The following NHSL3 variants were observed in gnomAD, a reference collection of about 807,000 sequenced individuals.
The protein encoded by NHSL3 is NHS-like protein 3.
chr1:32,772,396 C>A, the NHSL3 span: 1 of 1,558,538 alleles, frequency 6.4e-7, no homozygotes, highest in South Asian at 1.2e-5. Context: ...TGGAGGTGTC[C>A]TGCAGCTGGT....
chr1:32,764,593 G>GAGT, the NHSL3 span, among the ~76,000 whole-genome samples: 2 of 151,726 alleles, frequency 1.3e-5, no homozygotes, highest in East Asian at 3.9e-4. Flanking sequence ...TCGGCCTCCC[G>GAGT]AGTAGCTGAG....
the NHSL3 span, chr1:32,767,873 G>A: frequency 6.2e-6 from 10 of 1,614,016 alleles, no homozygotes; most frequent in South Asian, 2.2e-5. Context: ...CCAGGACAAC[G>A]TCTTCTTTCC....
chr1:32,770,287 G>GGCCGCTGCAGCCTGCGCACACTAA, the NHSL3 span: 11 of 1,609,018 alleles, frequency 6.8e-6, no homozygotes, highest in East Asian at 1.3e-4. This position sits in a 1 kb window ranked among gnomAD's most constrained non-coding sequence, Gnocchi z 8.3. Context: ...GGTGGCCCTA[G>GGCCGCTGCAGCCTGCGCACACTAA]GCCGCTGCAG....
At chr1:32,772,793 T>C in the NHSL3 span, 1 of 1,444,848 alleles carries the variant, frequency 6.9e-7, no homozygotes, top group Non-Finnish European at 9.8e-7. Flanking sequence ...GAGGGTATGC[T>C]TTGTTGGGCT....
At chr1:32,742,011 C>A in the NHSL3 span, 9 of 1,226,096 alleles carry the variant, frequency 7.3e-6, no homozygotes, top group Non-Finnish European at 9.2e-6. Flanking sequence ...GGAACCCGGG[C>A]GGCCCCCCGC....
the NHSL3 span, among the ~76,000 whole-genome samples, chr1:32,764,800 T>C: frequency 2.0e-5 from 3 of 152,216 alleles, no homozygotes; most frequent in Non-Finnish European, 4.4e-5. Context: ...CTTATTTTCA[T>C]ATGAGATCGT....
chr1:32,760,779 C>T, the NHSL3 span, among the ~76,000 whole-genome samples: 219 of 152,096 alleles, frequency 1.4e-3, 1 homozygote, highest in Non-Finnish European at 2.5e-3. Flanking sequence ...TTAGTAGAGA[C>T]GGGCTTTCAC....
the NHSL3 span, among the ~76,000 whole-genome samples, chr1:32,752,702 C>T: frequency 2.7e-5 from 4 of 150,874 alleles, no homozygotes; most frequent in Non-Finnish European, 5.9e-5. Context: ...CTCAGCCTCC[C>T]AAGTAGCTGG....
chr1:32,771,383 C>A, the NHSL3 span: 1 of 1,562,584 alleles, frequency 6.4e-7, no homozygotes, highest in Non-Finnish European at 8.8e-7. Flanking sequence ...TCCCCACCCC[C>A]ATCTTATCAT....
the NHSL3 span, among the ~76,000 whole-genome samples, chr1:32,762,749 C>G: frequency 3.9e-5 from 6 of 152,028 alleles, no homozygotes; most frequent in Non-Finnish European, 8.8e-5. Context: ...GCCACCGCGC[C>G]TTGCTAATTT....
the NHSL3 span, chr1:32,765,544 C>A: frequency 1.5e-6 from 2 of 1,297,910 alleles, no homozygotes; most frequent in Non-Finnish European, 2.1e-6. Flanking sequence ...TGTGCCCCTG[C>A]ACCCCATTTA....
the NHSL3 span, chr1:32,769,955 T>G: frequency 6.2e-7 from 1 of 1,607,042 alleles, no homozygotes. Flanking sequence ...ATCCCCACAG[T>G]GGACGGCCGC....
the NHSL3 span, chr1:32,770,881 C>T: frequency 1.7e-5 from 28 of 1,609,048 alleles, no homozygotes; most frequent in South Asian, 4.4e-5. This position sits in a 1 kb window ranked among gnomAD's most constrained non-coding sequence, Gnocchi z 8.3. Context: ...GGGTGGTTCC[C>T]GGCGCCCCCC....
At chr1:32,756,478 C>A in the NHSL3 span, among the ~76,000 whole-genome samples, 6 of 114,048 alleles carry the variant, frequency 5.3e-5, no homozygotes, top group South Asian at 1.4e-3. Flanking sequence ...AGACCCCCCC[C>A]CCCCGCCCAT....
chr1:32,753,959 G>A, the NHSL3 span: 1 of 323,486 alleles, frequency 3.1e-6, no homozygotes, highest in Non-Finnish European at 5.8e-6. Flanking sequence ...TCGGGGGCGT[G>A]GTCGAGCTGG....
chr1:32,768,930 C>T, the NHSL3 span: 2 of 966,488 alleles, frequency 2.1e-6, no homozygotes, highest in Non-Finnish European at 3.0e-6. Context: ...TCGTGATACA[C>T]ACTAACTATA....
chr1:32,768,922 G>A, the NHSL3 span: 6 of 1,008,994 alleles, frequency 5.9e-6, no homozygotes, highest in African/African-American at 3.3e-5. Flanking sequence ...TTGCACATTC[G>A]TGATACACAC....
chr1:32,763,766 G>A, the NHSL3 span, among the ~76,000 whole-genome samples: 94 of 152,130 alleles, frequency 6.2e-4, no homozygotes, highest in African/African-American at 1.9e-3. Context: ...TAGAGACAGG[G>A]TTTCACCATG....
the NHSL3 span, chr1:32,769,742 G>A: frequency 6.2e-6 from 10 of 1,613,978 alleles, no homozygotes; most frequent in Non-Finnish European, 8.5e-6. Flanking sequence ...CGGGAGCGGC[G>A]GAGCACTGTG....
Sources: allele counts gnomAD v4.1 joint callset (sites outside exome capture counted in the v4.1 genomes callset), GRCh38; gene constraint gnomAD v4.1.1; non-coding constraint Gnocchi (gnomAD v3.1); transcripts MANE v1.5; gene names NCBI Gene and HGNC (gene_info 2026-07-23, HGNC 2026-07-21).